The following ADGRL3 variants were observed in gnomAD, a reference collection of about 807,000 sequenced individuals.
ADGRL3 encodes calcium-independent alpha-latrotoxin receptor 3.
ADGRL3 carries 62 observed loss-of-function variants against 153.5 expected under a neutral mutation model. The ratio of observed to expected loss-of-function variants is 0.40; its 90% CI spans 0.33 to 0.50. The LOEUF is 0.50. Among genes scored for constraint, ADGRL3 ranks in the 20% least tolerant of loss-of-function variants. The probability of loss-of-function intolerance (pLI) is 0.47; values close to 1 mark genes in which losing one functional copy is unlikely to be tolerated. For missense variants in ADGRL3, 1,641 were observed against 1,859.4 expected, an observed-to-expected ratio of 0.88 and a Z score of 2.16; for synonymous variants, 710 against 672.5, an observed-to-expected ratio of 1.06 and a Z score of -0.86.
intron 19 of ADGRL3, among the ~76,000 whole-genome samples, chr4:61,984,910 G>C (rs765223055): frequency 6.6e-6 from 1 of 152,092 alleles, no homozygotes; most frequent in Admixed American, 6.5e-5. Flanking sequence ...ATTAACTTAC[G>C]TGATAATCAT....
chr4:61,432,580 T>TTCTTTC (rs2097371754), intron 2 of ADGRL3, among the ~76,000 whole-genome samples: 11 of 2,122 alleles, frequency 5.2e-3, no homozygotes, highest in South Asian at 0.033. Flanking sequence ...CTTCCTTTCT[T>TTCTTTC]TCTTTCTTTC....
chr4:61,253,691 C>CCACA (rs143396564), intron 1 of ADGRL3, among the ~76,000 whole-genome samples: 1,863 of 140,482 alleles, frequency 0.013, 30 homozygotes, highest in African/African-American at 0.04. Flanking sequence ...ATGTTCAGTT[C>CCACA]CACACACACA....
At chr4:61,600,307 C>A (rs199566186) in intron 5 of ADGRL3, among the ~76,000 whole-genome samples, 178 of 61,770 alleles carry the variant, frequency 2.9e-3, no homozygotes, top group East Asian at 5.6e-3. Context: ...GGCTGCCTTG[C>A]AAAAAAAAAA....
intron 1 of ADGRL3, among the ~76,000 whole-genome samples, chr4:61,378,192 C>G (rs1388678844): frequency 6.6e-6 from 1 of 151,960 alleles, no homozygotes; most frequent in Non-Finnish European, 1.5e-5. Flanking sequence ...ACCAGAAGTT[C>G]AGTAGTTTTT....
chr4:61,357,245 A>T (rs2096191998), intron 1 of ADGRL3, among the ~76,000 whole-genome samples: 1 of 152,110 alleles, frequency 6.6e-6, no homozygotes, highest in African/African-American at 2.4e-5. Flanking sequence ...TTTGATTCAC[A>T]TATGATGTTA....
chr4:61,998,370 G>T, intron 21 of ADGRL3, 105 bp downstream of exon 21: 1 of 517,364 alleles, frequency 1.9e-6, no homozygotes, highest in East Asian at 3.2e-5. Context: ...AAAGAATATG[G>T]GTGTATTGTC....
chr4:61,533,481 T>TTA (rs397709967), intron 4 of ADGRL3, among the ~76,000 whole-genome samples: 2 of 151,744 alleles, frequency 1.3e-5, no homozygotes, highest in African/African-American at 4.9e-5. Context: ...GTATTTTTTT[T>TTA]ATCACCTTCA....
intron 1 of ADGRL3, among the ~76,000 whole-genome samples, chr4:61,205,355 G>A (rs1048739739): frequency 3.3e-5 from 5 of 152,212 alleles, no homozygotes; most frequent in Non-Finnish European, 7.3e-5. Flanking sequence ...GGATCAAACA[G>A]TGATTTTAAG....
chr4:61,659,806 C>T (rs1191407197), intron 5 of ADGRL3, among the ~76,000 whole-genome samples: 11 of 150,240 alleles, frequency 7.3e-5, no homozygotes, highest in African/African-American at 2.5e-4. Flanking sequence ...TTTAGAACCA[C>T]CAGAGACTCA....
chr4:61,481,380 A>G (rs2098130018), intron 2 of ADGRL3, among the ~76,000 whole-genome samples: 1 of 152,126 alleles, frequency 6.6e-6, no homozygotes, highest in South Asian at 2.1e-4. Context: ...TTATAGGAAG[A>G]TGGACCTCAA....
chr4:61,266,146 A>G (rs916326602), intron 1 of ADGRL3, among the ~76,000 whole-genome samples: 1 of 151,816 alleles, frequency 6.6e-6, no homozygotes, highest in Non-Finnish European at 1.5e-5. Flanking sequence ...TTCCATTTTC[A>G]GAGAGGTTCT....
chr4:61,426,287 T>A (rs764511363), intron 2 of ADGRL3, among the ~76,000 whole-genome samples: 2 of 152,200 alleles, frequency 1.3e-5, no homozygotes, highest in Non-Finnish European at 2.9e-5. Context: ...TCCTTCTTGG[T>A]GATCACCATC....
At chr4:61,283,323 G>T (rs1355604427) in intron 1 of ADGRL3, among the ~76,000 whole-genome samples, 1 of 151,988 alleles carries the variant, frequency 6.6e-6, no homozygotes, top group African/African-American at 2.4e-5. Flanking sequence ...CTGCTAACTT[G>T]ATGGCTAAAA....
At chr4:61,300,208 A>G (rs548920585) in intron 1 of ADGRL3, among the ~76,000 whole-genome samples, 34 of 152,322 alleles carry the variant, frequency 2.2e-4, no homozygotes, top group Non-Finnish European at 4.6e-4. Context: ...CCTTCATTCA[A>G]TGTTTCAATA....
intron 18 of ADGRL3, among the ~76,000 whole-genome samples, chr4:61,981,109 A>T (rs886687854): frequency 6.6e-6 from 1 of 152,192 alleles, no homozygotes; most frequent in Non-Finnish European, 1.5e-5. Context: ...AATAAAGGAG[A>T]TGTACATTTC....
chr4:61,575,145 A>G (rs900785460), intron 4 of ADGRL3, among the ~76,000 whole-genome samples: 19 of 151,966 alleles, frequency 1.3e-4, no homozygotes, highest in African/African-American at 4.6e-4. Flanking sequence ...GGTTTGAATC[A>G]CAGAAAGCCA....
chr4:61,775,288 C>G (rs2097134364), intron 8 of ADGRL3, among the ~76,000 whole-genome samples: 1 of 150,884 alleles, frequency 6.6e-6, no homozygotes, highest in Admixed American at 6.6e-5. Context: ...ATGAACAAGA[C>G]TATTGATTTA....
chr4:61,564,771 A>C (rs566419712), intron 4 of ADGRL3, among the ~76,000 whole-genome samples: 1 of 152,202 alleles, frequency 6.6e-6, no homozygotes, highest in South Asian at 2.1e-4. Flanking sequence ...CTTTCAATTA[A>C]ATACCTAGAG....
chr4:61,295,604 C>A (rs191747946), intron 1 of ADGRL3, among the ~76,000 whole-genome samples: 14 of 152,054 alleles, frequency 9.2e-5, no homozygotes, highest in Admixed American at 9.2e-4. Context: ...TATTTTCATA[C>A]CTCATCAAAT....
Sources: gnomAD v4.1 joint callset for allele counts (sites outside exome capture counted in the v4.1 genomes callset) on GRCh38, gnomAD v4.1.1 for gene constraint, MANE v1.5 for transcripts, NCBI Gene and HGNC (gene_info 2026-07-23, HGNC 2026-07-21) for gene names.